PCDHA12: variants seen among roughly 807,000 people sequenced by gnomAD.
The protein encoded by PCDHA12 is protocadherin alpha 12.
Under a neutral mutation model 60.0 loss-of-function variants are expected in PCDHA12, and 44 were observed. The ratio of observed to expected loss-of-function variants is 0.73; its 90% CI spans 0.58 to 0.94. The LOEUF (loss-of-function observed/expected upper bound fraction) is 0.94, where lower values mean the gene tolerates loss of function less well. Among genes scored for constraint, PCDHA12 ranks in the 40% least tolerant of loss-of-function variants. The pLI is 0.00. For missense variants in PCDHA12, 1,276 were observed against 1,239.7 expected, an observed-to-expected ratio of 1.03 and a Z score of -0.44; for synonymous variants, 569 against 553.0, an observed-to-expected ratio of 1.03 and a Z score of -0.40.
At chr5:140,937,866 C>T (rs892440956) in intron 1 of PCDHA12, among the ~76,000 whole-genome samples, 4 of 150,734 alleles carry the variant, frequency 2.7e-5, no homozygotes, top group African/African-American at 4.9e-5. Flanking sequence ...GAGCCGAGAT[C>T]GCGCCACTGC....
At chr5:140,902,085 GT>G (rs1225919893) in intron 1 of PCDHA12, among the ~76,000 whole-genome samples, 1 of 151,518 alleles carries the variant, frequency 6.6e-6, no homozygotes, top group African/African-American at 2.4e-5. Context: ...TGTTTTAATA[GT>G]TTTTTGGAGT....
At chr5:140,988,989 G>C (rs981946293) in intron 3 of PCDHA12, 1 of 152,184 alleles carries the variant, frequency 6.6e-6, no homozygotes, top group Admixed American at 6.5e-5. Flanking sequence ...CTAATGCAGG[G>C]TAAGGAAATA....
At chr5:141,009,568 G>A in intron 3 of PCDHA12, 59 bp from the exon 4 acceptor site, 4 of 1,577,106 alleles carry the variant, frequency 2.5e-6, no homozygotes, top group Non-Finnish European at 3.4e-6. Context: ...TCTACCAGCA[G>A]TGTGGCATCA....
At chr5:140,911,845 A>G (rs1184698013) in intron 1 of PCDHA12, among the ~76,000 whole-genome samples, 2 of 152,216 alleles carry the variant, frequency 1.3e-5, no homozygotes, top group Non-Finnish European at 2.9e-5. Context: ...AAAGAACTCC[A>G]TCCTTAATAG....
chr5:140,896,854 C>T (rs1211925701), intron 1 of PCDHA12, among the ~76,000 whole-genome samples: 4 of 152,004 alleles, frequency 2.6e-5, no homozygotes, highest in Non-Finnish European at 5.9e-5. Context: ...TTTATGGGTA[C>T]ATAATAAGTG....
At chr5:140,907,134 C>A (rs1167927748) in intron 1 of PCDHA12, among the ~76,000 whole-genome samples, 1 of 152,112 alleles carries the variant, frequency 6.6e-6, no homozygotes, top group Non-Finnish European at 1.5e-5. Flanking sequence ...CCTGTGAATT[C>A]CGGCTATGGG....
chr5:140,967,279 T>C, intron 1 of PCDHA12: 1 of 1,613,002 alleles, frequency 6.2e-7, no homozygotes, highest in South Asian at 1.1e-5. Context: ...ACATAGAGAG[T>C]GCGCAGGACC....
intron 1 of PCDHA12, 51 bp downstream of exon 1, chr5:140,877,890 T>C (rs1554170211): frequency 6.9e-7 from 1 of 1,458,078 alleles, no homozygotes; most frequent in Non-Finnish European, 9.0e-7. Flanking sequence ...AGAACTTCCG[T>C]TTAGGTTATA....
intron 1 of PCDHA12, among the ~76,000 whole-genome samples, chr5:140,885,265 T>C (rs2060534945): frequency 6.6e-6 from 1 of 152,186 alleles, no homozygotes; most frequent in African/African-American, 2.4e-5. Flanking sequence ...TAATTACTCA[T>C]ACATATATAT....
intron 1 of PCDHA12, among the ~76,000 whole-genome samples, chr5:140,886,288 A>T (rs1227734409): frequency 6.6e-6 from 1 of 151,870 alleles, no homozygotes; most frequent in Non-Finnish European, 1.5e-5. Flanking sequence ...AATTATTTTT[A>T]TATTTATTTA....
chr5:140,963,529 C>T (rs1332936829), intron 1 of PCDHA12, among the ~76,000 whole-genome samples: 1 of 152,176 alleles, frequency 6.6e-6, no homozygotes, highest in Non-Finnish European at 1.5e-5. Flanking sequence ...ACAGAAGTCC[C>T]ATTTACTTCA....
chr5:140,950,523 T>C (rs1289314937), intron 1 of PCDHA12, among the ~76,000 whole-genome samples: 2 of 152,094 alleles, frequency 1.3e-5, no homozygotes, highest in African/African-American at 4.8e-5. Flanking sequence ...TGCGATATGA[T>C]TGTTTTTGTT....
At chr5:140,903,076 C>T (rs1479702171) in intron 1 of PCDHA12, among the ~76,000 whole-genome samples, 1 of 152,122 alleles carries the variant, frequency 6.6e-6, no homozygotes, top group Admixed American at 6.5e-5. Flanking sequence ...GGGTAGATAC[C>T]TGATAGTGGC....
At chr5:140,930,993 C>T (rs1275430453) in intron 1 of PCDHA12, among the ~76,000 whole-genome samples, 1 of 152,140 alleles carries the variant, frequency 6.6e-6, no homozygotes, top group African/African-American at 2.4e-5. Flanking sequence ...TCATGACCTA[C>T]ACTAATAACA....
intron 1 of PCDHA12, among the ~76,000 whole-genome samples, chr5:140,959,833 T>C (rs539062460): frequency 1.3e-5 from 2 of 152,366 alleles, no homozygotes; most frequent in East Asian, 3.9e-4. Context: ...TAATGTATTA[T>C]GCCTGTAACT....
At chr5:140,884,321 G>A in intron 1 of PCDHA12, 1 of 1,613,854 alleles carries the variant, frequency 6.2e-7, no homozygotes, top group Non-Finnish European at 8.5e-7. Context: ...GGCGTCGGCA[G>A]GCGCTGTGGG....
intron 1 of PCDHA12, chr5:140,968,785 T>G: frequency 6.2e-7 from 1 of 1,614,226 alleles, no homozygotes; most frequent in Non-Finnish European, 8.5e-7. Flanking sequence ...TATCAGCCTC[T>G]GTGGCCATTA....
intron 3 of PCDHA12, among the ~76,000 whole-genome samples, chr5:140,998,883 GAATA>G (rs782239555): frequency 6.6e-5 from 10 of 152,274 alleles, no homozygotes; most frequent in East Asian, 1.9e-4. Flanking sequence ...AAGTTTAGTT[GAATA>G]AATAACAATG....
chr5:140,876,435 C>T lies in PCDHA12; in HGVS notation c.963C>T (p.Asn321=). The change falls in exon 1 of 4, where the codon AAC becomes AAT. Residue 321 remains asparagine, a synonymous_variant. Transcript: ENST00000398631. ...ATAATGCCTATGAAATTCAGGTTAA[C>T]GCCATTGATAAAGGGATTCCTTCCA... The part of the protein sequence containing the change: ...EENNAYEIQV[N]AIDKGIPSMA... 1 of 1,613,970 alleles carries T rather than the reference C, an allele frequency of 6.2e-7. No individual in the cohort carries two copies. The highest frequency in any genetic ancestry group is 1.1e-5 in the South Asian group (1 of 91,084).
Sources: allele counts gnomAD v4.1 joint callset (sites outside exome capture counted in the v4.1 genomes callset), GRCh38; gene constraint gnomAD v4.1.1; transcripts MANE v1.5; gene names NCBI Gene and HGNC (gene_info 2026-07-23, HGNC 2026-07-21).